ESPN: variants seen among roughly 807,000 people sequenced by gnomAD.
ESPN encodes autosomal recessive deafness type 36 protein.
ESPN carries 68 observed loss-of-function variants against 77.7 expected under a neutral mutation model. The observed-to-expected ratio is 0.87, with a 90% CI of 0.72 to 1.07. ESPN has a LOEUF of 1.07. Ranked by LOEUF, ESPN falls within the 50% of genes least tolerant of loss-of-function variation. ESPN has a pLI of 0.00. For synonymous variants in ESPN, 449 were observed against 567.1 expected (o/e 0.79, Z 2.96); for missense variants, 1,060 against 1,239.0 (o/e 0.86, Z 2.17).
Position 6,460,064 on chromosome 1 carries a change from GGAC to G in ESPN, c.2485_2487del (p.Thr829del), listed in dbSNP as rs748865244. The stretch of plus-strand genomic sequence containing the variant: ...GAGAAGGAACAGTCAGAGAAGCTGC[GGAC>G]GCTGGGCTACGATGAGAGCAAGCTG... On this transcript the variant is annotated inframe_deletion, in exon 13 of 13. Coordinates refer to ENST00000645284, the MANE Select transcript of ESPN (RefSeq NM_031475.3). 1.2e-6 allele frequency: 2 copies of G among 1,613,560 alleles called. No individual in the cohort carries two copies. The highest frequency in any genetic ancestry group is 1.7e-6 in the Non-Finnish European group (2 of 1,180,024).
intron 1 of ESPN, among the ~76,000 whole-genome samples, chr1:6,426,783 G>A (rs112246897): frequency 0.077 from 11,714 of 152,140 alleles, 571 homozygotes; most frequent in African/African-American, 0.13. Context: ...CTGGGTGCCC[G>A]CTAGCCAGCC....
intron 10 of ESPN, chr1:6,456,075 G>A (rs543986685): frequency 1.6e-4 from 58 of 371,442 alleles, no homozygotes; most frequent in African/African-American, 1.1e-3. Context: ...CGAAGCCCCC[G>A]CCGAAGACCC....
At chr1:6,444,731 G>A in intron 6 of ESPN, 49 bp downstream of exon 6, 1 of 1,608,472 alleles carries the variant, frequency 6.2e-7, no homozygotes, top group South Asian at 1.1e-5. Context: ...ACTGAAGCCA[G>A]ACTGCTGGGC....
intron 11 of ESPN, 26 bp from the exon 12 acceptor site, chr1:6,457,335 G>T: frequency 6.2e-7 from 1 of 1,614,256 alleles, no homozygotes; most frequent in Non-Finnish European, 8.5e-7. Flanking sequence ...GAGGTACCAA[G>T]TGACACTGTC....
rs778336312 is a variant in ESPN at position 6,445,921 on chromosome 1, G to A, written c.1450G>A (p.Ala484Thr). 16 of 1,612,430 alleles carry A rather than the reference G, an allele frequency of 9.9e-6. No homozygotes were observed. Among genetic ancestry groups the A allele is most frequent in the Admixed American group, 1.7e-5 (1 of 59,926 alleles). Residue 484 changes from alanine to threonine, a missense_variant, in exon 7 of 13, where the codon GCC (alanine) becomes ACC (threonine). This residue lies in a region of ESPN where 130 missense variants were observed against 223.9 expected (regional missense o/e 0.58). Coordinates refer to ENST00000645284, the MANE Select transcript of ESPN (RefSeq NM_031475.3). ...KNKLRHVETEALKKELSSCDG... is the reference protein window; with the variant it reads ...KNKLRHVETETLKKELSSCDG... ...CAAACTCCGCCACGTGGAGACAGAGGCCCTCAAGAAGGAGGTAGTGAGCCC... is the reference window on the plus strand; with the variant it reads ...CAAACTCCGCCACGTGGAGACAGAGACCCTCAAGAAGGAGGTAGTGAGCCC...
At chr1:6,461,075 T>G (rs1569776046), downstream of ESPN, 2 of 496,342 alleles carry the variant, frequency 4.0e-6, no homozygotes, top group East Asian at 1.2e-4. The surrounding 1 kb of genome is among the most constrained non-coding windows in gnomAD (Gnocchi z 6.3). Context: ...GTGACAAGAT[T>G]CCCGTCCCCT....
intron 12 of ESPN, among the ~76,000 whole-genome samples, chr1:6,457,784 A>G (rs552713989): frequency 4.5e-4 from 69 of 152,322 alleles, no homozygotes; most frequent in African/African-American, 1.2e-3. Flanking sequence ...TCATTTTAGT[A>G]CTGTTTTATT....
At chr1:6,429,523 G>A (rs1317601208) in intron 2 of ESPN, among the ~76,000 whole-genome samples, 3 of 152,132 alleles carry the variant, frequency 2.0e-5, no homozygotes, top group East Asian at 1.9e-4. Flanking sequence ...CCACCCTCAC[G>A]GCGGTGATTC....
intron 10 of ESPN, 90 bp downstream of exon 10, chr1:6,452,186 A>G: frequency 7.4e-7 from 1 of 1,347,564 alleles, no homozygotes; most frequent in South Asian, 1.5e-5. Context: ...CAACCTCGGG[A>G]CCTCCCATTT....
intron 2 of ESPN, among the ~76,000 whole-genome samples, chr1:6,432,133 G>T (rs1260957894): frequency 6.6e-6 from 1 of 152,158 alleles, no homozygotes; most frequent in African/African-American, 2.4e-5. Context: ...TGCTCCCACG[G>T]CCCAGGGGTT....
rs116410091 is a variant in ESPN at position 6,434,699 on chromosome 1, C to T, written c.489-5555C>T. Among the ~76,000 whole-genome samples, 1,267 of 152,282 alleles carry T rather than the reference C, an allele frequency of 8.3e-3. 24 individuals carry two copies. Among genetic ancestry groups the T allele is most frequent in the African/African-American group, 0.028 (1,184 of 41,562 alleles). ...CACCCAACTGCCCGGCCCGTCATCA[C>T]GTCAGCCATACATTCTTCTATCCAT... is the stretch of plus-strand genomic sequence containing the variant. On this transcript the variant is annotated intron_variant, in intron 2 of 12. Coordinates refer to ENST00000645284, the MANE Select transcript of ESPN (RefSeq NM_031475.3).
rs752649606 is a variant in ESPN, at chr1:6,445,936, G to T, written c.1464+1G>T. On this transcript the variant is annotated splice_donor_variant, in intron 7 of 12. Transcript: ENST00000645284. LOFTEE classifies it high-confidence loss of function. Reference sequence around the variant, plus strand: ...GGAGACAGAGGCCCTCAAGAAGGAGGTAGTGAGCCCTCACCCCCTGCCTGC... The same window carrying T: ...GGAGACAGAGGCCCTCAAGAAGGAGTTAGTGAGCCCTCACCCCCTGCCTGC... 7.4e-6 allele frequency: 12 copies of T among 1,612,502 alleles called. No individual in the cohort carries two copies. Among genetic ancestry groups the T allele is most frequent in the Non-Finnish European group, 1.0e-5 (12 of 1,179,708 alleles).
At chr1:6,442,423 A>T (rs555329062) in intron 5 of ESPN, among the ~76,000 whole-genome samples, 1 of 150,922 alleles carries the variant, frequency 6.6e-6, no homozygotes, top group Admixed American at 6.6e-5. Context: ...ACAAAAAAAA[A>T]TTTAGCCAGG....
Position 6,428,309 on chromosome 1 carries a change from T to C in ESPN, c.378T>C (p.His126=). Residue 126 remains histidine (H), a synonymous_variant, in exon 2 of 13, where the codon CAT becomes CAC. Coordinates refer to ENST00000645284, the MANE Select transcript of ESPN (RefSeq NM_031475.3). The surrounding 1 kb of genome is among the most constrained non-coding windows in gnomAD (Gnocchi z 5.4). ...AGGTGGTGAACTGGCTCTTGCATCATGGCGGTGGGGACCCCACCGCGGCCA... is the reference window on the plus strand; with the variant it reads ...AGGTGGTGAACTGGCTCTTGCATCACGGCGGTGGGGACCCCACCGCGGCCA... ...HPEVVNWLLH[H]GGGDPTAATD... 6.2e-7 allele frequency: 1 copy of C among 1,613,166 alleles called. No homozygotes were observed. The highest frequency in any genetic ancestry group is 8.5e-7 in the Non-Finnish European group (1 of 1,179,980).
Position 6,457,351 on chromosome 1 carries a change from T to C in ESPN, c.2406-10T>C. 1 of 1,614,206 alleles carries C rather than the reference T, an allele frequency of 6.2e-7. No individual in the cohort carries two copies. Among genetic ancestry groups the C allele is most frequent in the Non-Finnish European group, 8.5e-7 (1 of 1,180,034 alleles). ...AGGTACCAAGTGACACTGTCTCTTT[T>C]TCCTTCCAGGGAGCAGAAGCGGTGA... On this transcript the variant is annotated splice_polypyrimidine_tract_variant and intron_variant, in intron 11 of 12. Coordinates refer to ENST00000645284, the MANE Select transcript of ESPN (RefSeq NM_031475.3).
In ESPN at chr1:6,451,224, C is replaced by T. The variant is rs1191954247; in HGVS notation, c.1916-379C>T. 7 of 365,228 alleles carry T rather than the reference C, an allele frequency of 1.9e-5. No homozygotes were observed. The highest frequency in any genetic ancestry group is 3.9e-5 in the Admixed American group (1 of 25,724). 22.6% of individuals were successfully genotyped at this position (365,228 alleles called of 1,614,324 possible). On this transcript the variant is annotated intron_variant, in intron 8 of 12. Transcript: ENST00000645284. The surrounding 1 kb of genome is among the most constrained non-coding windows in gnomAD (Gnocchi z 4.3). ...GGCCAGAGGGAGGCTCCACCCCAGC[C>T]GGGCTGAGCCAGGGAACCTGGGACA...
chr1:6,445,110 CACAT>C (rs1023725663), intron 6 of ESPN, among the ~76,000 whole-genome samples: 8 of 148,746 alleles, frequency 5.4e-5, no homozygotes, highest in African/African-American at 9.9e-5. Context: ...CACACACACA[CACAT>C]ACACACCATG....
intron 10 of ESPN, chr1:6,456,438 G>A (rs1644059493): frequency 1.3e-5 from 4 of 319,016 alleles, no homozygotes; most frequent in Non-Finnish European, 5.7e-6. Flanking sequence ...CTCTGGCCCC[G>A]TGGCCTTGCT....
At position 6,440,890 on chromosome 1, in the gene ESPN, C is replaced by T. The variant is rs773072904; in HGVS notation, c.859-44C>T. Reference sequence around the variant, plus strand: ...ACGGCCCTGCCCGGGCGCGGGGGTCCCAGCTCGCGGCCGCGGCCGGGTCCT... The same window carrying T: ...ACGGCCCTGCCCGGGCGCGGGGGTCTCAGCTCGCGGCCGCGGCCGGGTCCT... On this transcript the variant is annotated intron_variant, in intron 4 of 12. Coordinates refer to ENST00000645284, the MANE Select transcript of ESPN (RefSeq NM_031475.3). 24 of 1,540,124 alleles carry T rather than the reference C, an allele frequency of 1.6e-5. 1 individual carries two copies. The East Asian group carries it at 2.5e-4, about 16-fold the overall frequency.
Sources: allele counts gnomAD v4.1 joint callset (sites outside exome capture counted in the v4.1 genomes callset), GRCh38; gene constraint gnomAD v4.1.1; regional missense constraint gnomAD v4.1.1; non-coding constraint Gnocchi (gnomAD v3.1); transcripts MANE v1.5; gene names NCBI Gene and HGNC (gene_info 2026-07-23, HGNC 2026-07-21).